Variants in CDK12 observed in about 807,000 individuals in gnomAD.
CDK12 encodes cyclin dependent kinase 12.
CDK12 carries 17 observed loss-of-function variants against 133.8 expected under a neutral mutation model. That is an observed-to-expected ratio of 0.13 (90% CI 0.09 to 0.19). The LOEUF (loss-of-function observed/expected upper bound fraction) is 0.19, where lower values mean the gene tolerates loss of function less well. Among genes scored for constraint, CDK12 ranks in the 10% least tolerant of loss-of-function variants. The pLI is 1.00. For synonymous variants in CDK12, 694 were observed against 683.6 expected, an observed-to-expected ratio of 1.02 and a Z score of -0.24; for missense variants, 1,508 against 1,818.7, an observed-to-expected ratio of 0.83 and a Z score of 3.11.
At chr17:39,502,396 G>A (rs531319115) in intron 6 of CDK12, among the ~76,000 whole-genome samples, 38 of 150,354 alleles carry the variant, frequency 2.5e-4, no homozygotes, top group Middle Eastern at 3.5e-3. Context: ...CTCGTGATCC[G>A]CCCACCTCGG....
At chr17:39,542,059 C>T (rs966894786) in intron 1 of CDK12, among the ~76,000 whole-genome samples, 2 of 151,728 alleles carry the variant, frequency 1.3e-5, no homozygotes, top group Non-Finnish European at 2.9e-5. Flanking sequence ...TGAGCTTCTT[C>T]AGGAAAGGAA....
Position 39,530,853 on chromosome 17 carries a change from C to G in CDK12, c.4010C>G (p.Thr1337Ser). The G allele has an allele frequency of 1.2e-6, 2 of 1,614,204 alleles. No homozygotes were observed. The highest frequency in any genetic ancestry group is 1.1e-5 in the South Asian group (1 of 91,082). ...TCCACCCGACCCCGTCCAAACAGGA[C>G]TTATGGAAACACTGATGGGCCTGAA... ...EYSTRPRPNRTYGNTDGPETG... is the reference protein window; with the variant it reads ...EYSTRPRPNRSYGNTDGPETG... The change falls in exon 14 of 14, where the codon ACT becomes AGT. Residue 1337 changes from threonine (T) to serine (S), a missense_variant. By Grantham distance (58) the Thr-to-Ser change is moderately conservative. Around this residue, in one of 9 missense-constraint regions of CDK12, gnomAD observed 399 missense variants for 469.6 expected, o/e 0.85. Coordinates refer to ENST00000447079, the MANE Select transcript of CDK12 (RefSeq NM_016507.4).
intron 12 of CDK12, among the ~76,000 whole-genome samples, 175 bp from the exon 13 acceptor site, chr17:39,525,689 G>C (rs1298187404): frequency 6.6e-6 from 1 of 152,160 alleles, no homozygotes; most frequent in African/African-American, 2.4e-5. Context: ...TATTTCTTAA[G>C]CGAAAGCATA....
At chr17:39,493,012 T>G in intron 4 of CDK12, 122 bp downstream of exon 4, 1 of 856,450 alleles carries the variant, frequency 1.2e-6, no homozygotes, top group Non-Finnish European at 1.7e-6. Context: ...TTTGTTTGTT[T>G]TTTGAGATGG....
rs2054939340 is a variant in CDK12 at position 39,532,784 on chromosome 17, A to T, written c.*1468A>T. 4.3e-6 allele frequency: 1 copy of T among 232,664 alleles called. No homozygotes were observed. The highest frequency in any genetic ancestry group is 8.5e-6 in the Non-Finnish European group (1 of 117,618). The allele number at this position is 232,664 out of a possible 1,614,324, so 14.4% of individuals were successfully genotyped here. On this transcript the variant is annotated 3_prime_UTR_variant, in exon 14 of 14. Transcript: ENST00000447079. Reference sequence around the variant, plus strand: ...TTTGCCTTATCATAAACAGGAAATGAAAAAGGGAAGGGCTGTCAGGATGGG... The same window carrying T: ...TTTGCCTTATCATAAACAGGAAATGTAAAAGGGAAGGGCTGTCAGGATGGG...
At chr17:39,474,557 C>T (rs996091982) in intron 2 of CDK12, among the ~76,000 whole-genome samples, 6 of 152,214 alleles carry the variant, frequency 3.9e-5, no homozygotes, top group Non-Finnish European at 5.9e-5. Flanking sequence ...TCAAGTGATC[C>T]GCTTGCTTTG....
intron 1 of CDK12, among the ~76,000 whole-genome samples, chr17:39,468,844 C>T (rs866056836): frequency 4.6e-5 from 7 of 151,088 alleles, no homozygotes; most frequent in African/African-American, 1.5e-4. Flanking sequence ...GACAGATTTT[C>T]GCTCTGTCGC....
intron 10 of CDK12, 37 bp from the exon 11 acceptor site, chr17:39,519,919 C>G: frequency 1.2e-6 from 2 of 1,612,194 alleles, no homozygotes; most frequent in Non-Finnish European, 1.7e-6. Context: ...ACTGTAGGGT[C>G]ATTGTGAACT....
rs376351896 is a variant in CDK12, at chr17:39,462,801, C to A, written c.730C>A (p.Gln244Lys). ...DDSPSGASYG[Q>K]DYDLSPSRSH... is the part of the protein sequence containing the mutation. Reference sequence around the variant, plus strand: ...TAGCCCCTCGGGAGCTTCTTATGGCCAAGATTATGACCTTAGTCCCTCACG... The same window carrying A: ...TAGCCCCTCGGGAGCTTCTTATGGCAAAGATTATGACCTTAGTCCCTCACG... Residue 244 changes from glutamine (Q) to lysine (K), a missense_variant, in exon 1 of 14, where the codon CAA becomes AAA. Gln to Lys is a moderately conservative substitution (Grantham distance 53). Transcript: ENST00000447079. The A allele has an allele frequency of 1.1e-5, 17 of 1,614,024 alleles. No individual in the cohort carries two copies.
At chr17:39,486,309 T>G (rs886577476) in intron 2 of CDK12, among the ~76,000 whole-genome samples, 14 of 145,102 alleles carry the variant, frequency 9.6e-5, no homozygotes, top group Non-Finnish European at 1.5e-4. Context: ...TCACTTAGAC[T>G]GGAGTGCAGT....
At chr17:39,494,253 A>G (rs1423250315) in intron 4 of CDK12, among the ~76,000 whole-genome samples, 1 of 151,906 alleles carries the variant, frequency 6.6e-6, no homozygotes, top group East Asian at 1.9e-4. Flanking sequence ...TTTGTATTTT[A>G]ATAGAGACGG....
At chr17:39,506,141 G>A (rs1185763820) in intron 6 of CDK12, among the ~76,000 whole-genome samples, 1 of 151,502 alleles carries the variant, frequency 6.6e-6, no homozygotes, top group Non-Finnish European at 1.5e-5. Context: ...GGACTAACCA[G>A]CAGCATTCAG....
In CDK12 at chr17:39,527,001, G is replaced by A. The variant is rs77629535; in HGVS notation, c.3760+685G>A. ...TACGTTAATCTCACATGACCATAGC[G>A]TGCAATTTATTAGAGGGAAAAGCAG... On this transcript the variant is annotated intron_variant, in intron 13 of 13. Coordinates refer to ENST00000447079, the MANE Select transcript of CDK12 (RefSeq NM_016507.4). Among the ~76,000 whole-genome samples the A allele has an allele frequency of 3.7e-3, 557 of 152,298 alleles. 15 individuals are homozygous for A. Among genetic ancestry groups the A allele is most frequent in the Admixed American group, 0.029 (450 of 15,298 alleles).
chr17:39,530,881 A>C lies in CDK12; in HGVS notation c.4038A>C (p.Thr1346=). The part of the protein sequence containing the change: ...RTYGNTDGPE[T]GFSAIDTDER... The stretch of plus-strand genomic sequence containing the variant: ...ATGGAAACACTGATGGGCCTGAAAC[A>C]GGGTTCAGTGCCATTGACACTGATG... Residue 1346 remains threonine (T), a synonymous_variant, in exon 14 of 14, where the codon ACA becomes ACC. Coordinates refer to ENST00000447079, the MANE Select transcript of CDK12 (RefSeq NM_016507.4). 1 of 1,614,200 alleles carries C rather than the reference A, an allele frequency of 6.2e-7. No homozygotes were observed. The highest frequency in any genetic ancestry group is 1.1e-5 in the South Asian group (1 of 91,084).
chr17:39,530,387 T>C (rs1455615016), intron 13 of CDK12: 7 of 540,712 alleles, frequency 1.3e-5, no homozygotes, highest in South Asian at 6.8e-5. Context: ...TTGAAACATA[T>C]GATATTTTTA....
chr17:39,490,803 T>G, intron 3 of CDK12, 70 bp downstream of exon 3: 1 of 1,204,524 alleles, frequency 8.3e-7, no homozygotes, highest in Non-Finnish European at 1.2e-6. Flanking sequence ...TCTCTCATGT[T>G]TCTTCTATAA....
chr17:39,470,277 C>T (rs569784351), intron 1 of CDK12, among the ~76,000 whole-genome samples: 27 of 151,946 alleles, frequency 1.8e-4, no homozygotes, highest in South Asian at 4.2e-4. Context: ...CCTGCCACCA[C>T]GCCTGGCTAA....
intron 2 of CDK12, among the ~76,000 whole-genome samples, chr17:39,478,339 A>T (rs1362760571): frequency 6.6e-6 from 1 of 151,766 alleles, no homozygotes; most frequent in Non-Finnish European, 1.5e-5. Context: ...CTACAGGCGC[A>T]TGCCACCATA....
At chr17:39,479,277 G>A (rs988764772) in intron 2 of CDK12, among the ~76,000 whole-genome samples, 2 of 99,850 alleles carry the variant, frequency 2.0e-5, no homozygotes, top group African/African-American at 4.5e-5. Flanking sequence ...CACTGCACTC[G>A]AGCCTGGGCG....
Sources: allele counts gnomAD v4.1 joint callset (sites outside exome capture counted in the v4.1 genomes callset), GRCh38; gene constraint gnomAD v4.1.1; regional missense constraint gnomAD v4.1.1; transcripts MANE v1.5; gene names NCBI Gene and HGNC (gene_info 2026-07-23, HGNC 2026-07-21).